IL20RB: variants seen among roughly 807,000 people sequenced by gnomAD.
The protein encoded by IL20RB is interleukin-20 receptor subunit beta.
In IL20RB, 21 loss-of-function variants were observed where a neutral mutation model predicts 33.3. The observed-to-expected ratio is 0.63, with a 90% CI of 0.45 to 0.91. IL20RB has a LOEUF of 0.91. IL20RB is among the 40% of genes least tolerant of loss of function. The pLI is 0.00. For synonymous variants in IL20RB, 147 were observed against 146.8 expected (o/e 1.00, Z -0.01); for missense variants, 345 against 384.8 (o/e 0.90, Z 0.86).
intron 1 of IL20RB, among the ~76,000 whole-genome samples, chr3:136,961,374 C>G (rs1458880485): frequency 6.6e-6 from 1 of 151,840 alleles, no homozygotes; most frequent in Non-Finnish European, 1.5e-5. Context: ...TTCCCAACCT[C>G]AAATGCACAT....
intron 1 of IL20RB, chr3:136,959,489 GTTAGTTGTTGGTTAT>G (rs1941157787): frequency 6.6e-6 from 1 of 152,198 alleles, no homozygotes; most frequent in Admixed American, 6.5e-5. Context: ...TGTTTGGTTA[GTTAGTTGTTGGTTAT>G]TTAGTTGTTG....
At chr3:136,983,578 T>C (rs1346565899) in intron 3 of IL20RB, among the ~76,000 whole-genome samples, 4 of 152,112 alleles carry the variant, frequency 2.6e-5, no homozygotes, top group Non-Finnish European at 5.9e-5. Context: ...GGACAGAGCT[T>C]AGGAATCAAG....
chr3:136,960,423 G>T (rs532993377), intron 1 of IL20RB, among the ~76,000 whole-genome samples: 1 of 152,264 alleles, frequency 6.6e-6, no homozygotes, highest in South Asian at 2.1e-4. Flanking sequence ...TGGGATTACA[G>T]GCATGAGCCA....
At chr3:136,958,848 C>T (rs1941116716) in intron 1 of IL20RB, among the ~76,000 whole-genome samples, 1 of 152,058 alleles carries the variant, frequency 6.6e-6, no homozygotes. Flanking sequence ...TTAAGAGAAA[C>T]TTCTAATTTT....
intron 6 of IL20RB, among the ~76,000 whole-genome samples, chr3:137,002,435 T>C (rs1281914059): frequency 2.0e-5 from 3 of 152,228 alleles, no homozygotes; most frequent in Admixed American, 6.5e-5. Flanking sequence ...CTCTAGCATC[T>C]GTTGTATCCT....
chr3:136,970,772 C>T (rs913177781), intron 1 of IL20RB, among the ~76,000 whole-genome samples: 2 of 151,978 alleles, frequency 1.3e-5, no homozygotes, highest in Non-Finnish European at 2.9e-5. Context: ...CCTGCCTCAG[C>T]CTCCCCAGTA....
Position 136,969,660 on chromosome 3 carries a change from C to T in IL20RB, c.89-10806C>T, listed in dbSNP as rs986389800. On this transcript the variant is annotated intron_variant, in intron 1 of 6. Coordinates refer to ENST00000329582, the MANE Select transcript of IL20RB (RefSeq NM_144717.4). The stretch of plus-strand genomic sequence containing the variant: ...AAATGCAGAAATCACCCGTCTTCTG[C>T]GTCGCTCACGCTGGGAGCTGTAGAC... Among the ~76,000 whole-genome samples the T allele has an allele frequency of 7.2e-5, 11 of 152,050 alleles. No homozygotes were observed. In the South Asian group the frequency reaches 1.5e-3, roughly 20 times the overall value.
chr3:136,985,922 C>T (rs1941886429), intron 3 of IL20RB, among the ~76,000 whole-genome samples: 1 of 152,206 alleles, frequency 6.6e-6, no homozygotes, highest in African/African-American at 2.4e-5. Context: ...TAGATTAACT[C>T]TGTGACTCTG....
chr3:136,962,455 T>G (rs1440608735), intron 1 of IL20RB, among the ~76,000 whole-genome samples: 1 of 152,020 alleles, frequency 6.6e-6, no homozygotes, highest in Non-Finnish European at 1.5e-5. Flanking sequence ...CCAGTACTTC[T>G]AAAAAATGTC....
chr3:136,986,040 G>C (rs1340434179), intron 3 of IL20RB, among the ~76,000 whole-genome samples: 1 of 152,060 alleles, frequency 6.6e-6, no homozygotes, highest in Non-Finnish European at 1.5e-5. Flanking sequence ...TGGATCACGA[G>C]GTCAGGAGAT....
intron 1 of IL20RB, among the ~76,000 whole-genome samples, chr3:136,971,727 A>G (rs1001941931): frequency 6.6e-6 from 1 of 152,132 alleles, no homozygotes; most frequent in Non-Finnish European, 1.5e-5. Context: ...TTCTTTATCC[A>G]TTCATCCACT....
At chr3:136,975,678 T>C (rs982286782) in intron 1 of IL20RB, among the ~76,000 whole-genome samples, 1 of 152,122 alleles carries the variant, frequency 6.6e-6, no homozygotes, top group African/African-American at 2.4e-5. Flanking sequence ...GCAGCGTTAG[T>C]AGTATATGTG....
At chr3:136,969,746 T>TA (rs1305503970) in intron 1 of IL20RB, among the ~76,000 whole-genome samples, 3 of 152,188 alleles carry the variant, frequency 2.0e-5, no homozygotes, top group Admixed American at 6.5e-5. Flanking sequence ...CCTCTCTAGA[T>TA]ACTAGTTCTT....
intron 3 of IL20RB, among the ~76,000 whole-genome samples, chr3:136,982,822 GAAAT>G (rs759153183): frequency 1.9e-4 from 29 of 152,208 alleles, no homozygotes; most frequent in Non-Finnish European, 4.1e-4. Context: ...ACTTCTGTGG[GAAAT>G]AAATAACTTT....
chr3:137,009,726 G>A (rs1352495394), intron 6 of IL20RB, among the ~76,000 whole-genome samples: 1 of 152,046 alleles, frequency 6.6e-6, no homozygotes, highest in Non-Finnish European at 1.5e-5. Flanking sequence ...TGTGGAGAGG[G>A]AGCCTTGCTA....
rs776290574 is a variant in IL20RB at position 136,995,441 on chromosome 3, T to C, written c.710T>C (p.Leu237Pro). The C allele has an allele frequency of 1.2e-6, 2 of 1,614,054 alleles. No homozygotes were observed. The highest frequency in any genetic ancestry group is 1.1e-5 in the South Asian group (1 of 91,076). ...GAGGCCATTCCCCTGGTACTGGCCC[T>C]GTTTGCCTTTGTTGGCTTCATGCTG... ...QGEAIPLVLALFAFVGFMLIL... is the reference protein window; with the variant it reads ...QGEAIPLVLAPFAFVGFMLIL... The change falls in exon 6 of 7, where the codon CTG becomes CCG. Residue 237 changes from leucine to proline, a missense_variant. By Grantham distance (98) the Leu-to-Pro change is moderately conservative. Transcript: ENST00000329582.
chr3:136,978,042 G>A (rs1426952093), intron 1 of IL20RB, among the ~76,000 whole-genome samples: 2 of 152,118 alleles, frequency 1.3e-5, no homozygotes, highest in Non-Finnish European at 2.9e-5. Context: ...ATCTTGGAGA[G>A]GAAGCATTCA....
chr3:136,963,693 A>AGT (rs1560064425), intron 1 of IL20RB, among the ~76,000 whole-genome samples: 1 of 62,720 alleles, frequency 1.6e-5, no homozygotes, highest in Non-Finnish European at 3.2e-5. Flanking sequence ...TTTTTTTTTT[A>AGT]TTTTTTTTTT....
Position 136,995,495 on chromosome 3 carries a change from G to A in IL20RB, c.764G>A (p.Trp255Ter). The A allele has an allele frequency of 6.2e-7, 1 of 1,614,148 alleles. No individual in the cohort carries two copies. The highest frequency in any genetic ancestry group is 8.5e-7 in the Non-Finnish European group (1 of 1,180,028). The change falls in exon 6 of 7, where the codon TGG becomes TAG. Residue 255 changes from tryptophan to a stop codon, truncating the protein, a stop_gained. Transcript: ENST00000329582. LOFTEE classifies it high-confidence loss of function. ...LILVVVPLFV[W>*]KMGRLLQYSC... Reference sequence around the variant, plus strand: ...CTTGTGGTCGTGCCACTGTTCGTCTGGAAAATGGGCCGGCTGCTCCAGTAC... The same window carrying A: ...CTTGTGGTCGTGCCACTGTTCGTCTAGAAAATGGGCCGGCTGCTCCAGTAC...
Sources: gnomAD v4.1 joint callset for allele counts (sites outside exome capture counted in the v4.1 genomes callset) on GRCh38, gnomAD v4.1.1 for gene constraint, MANE v1.5 for transcripts, NCBI Gene and HGNC (gene_info 2026-07-23, HGNC 2026-07-21) for gene names.